Variants in ZDHHC14 observed in about 807,000 individuals in gnomAD.
ZDHHC14 encodes palmitoyltransferase ZDHHC14.
ZDHHC14 carries 16 observed loss-of-function variants against 47.7 expected under a neutral mutation model. That is an observed-to-expected ratio of 0.34 (90% CI 0.23 to 0.51). The LOEUF is 0.51. Among genes scored for constraint, ZDHHC14 ranks in the 20% least tolerant of loss-of-function variants. The probability of loss-of-function intolerance (pLI) is 0.97; values close to 1 mark genes in which losing one functional copy is unlikely to be tolerated. For missense variants in ZDHHC14, 515 were observed against 662.5 expected (o/e 0.78, Z 2.44); for synonymous variants, 293 against 278.9 (o/e 1.05, Z -0.50).
chr6:157,656,256 T>C (rs1197262433), intron 8 of ZDHHC14, among the ~76,000 whole-genome samples: 1 of 152,204 alleles, frequency 6.6e-6, no homozygotes, highest in Non-Finnish European at 1.5e-5. Flanking sequence ...AAGAGGACAC[T>C]GCAAAGGTTA....
At position 157,424,786 on chromosome 6, in the gene ZDHHC14, C is replaced by T. The variant is rs149087749; in HGVS notation, c.245+42520C>T. On this transcript the variant is annotated intron_variant, in intron 1 of 8. Transcript: ENST00000359775. ...ACCTCCCCTATCCAATCAATCACAACGGCCTGGGAATTTCTCCATAGAAAT... is the reference window on the plus strand; with the variant it reads ...ACCTCCCCTATCCAATCAATCACAATGGCCTGGGAATTTCTCCATAGAAAT... 8.0e-3 allele frequency among the ~76,000 whole-genome samples: 1,215 copies of T among 152,232 alleles called. 20 individuals are homozygous for T. The highest frequency in any genetic ancestry group is 0.027 in the African/African-American group (1,125 of 41,524).
intron 1 of ZDHHC14, among the ~76,000 whole-genome samples, chr6:157,466,751 T>A (rs1209036945): frequency 6.6e-6 from 1 of 151,682 alleles, no homozygotes; most frequent in African/African-American, 2.4e-5. Context: ...GGCAGGAGAA[T>A]CAGTTGAACC....
chr6:157,613,805 G>A (rs1014563959), intron 3 of ZDHHC14, among the ~76,000 whole-genome samples: 3 of 152,132 alleles, frequency 2.0e-5, no homozygotes, highest in Non-Finnish European at 4.4e-5. Context: ...CCTAAAATGT[G>A]TGAGTGCACG....
At chr6:157,636,428 C>G (rs1776987936) in intron 5 of ZDHHC14, among the ~76,000 whole-genome samples, 1 of 151,860 alleles carries the variant, frequency 6.6e-6, no homozygotes, top group Non-Finnish European at 1.5e-5. Flanking sequence ...CCCCAGAGTT[C>G]AGGTTGGAAA....
intron 1 of ZDHHC14, among the ~76,000 whole-genome samples, chr6:157,541,811 C>T (rs1361203725): frequency 6.6e-6 from 1 of 152,144 alleles, no homozygotes; most frequent in Non-Finnish European, 1.5e-5. Flanking sequence ...TTTAGTCTGT[C>T]CCAGTGGCAC....
chr6:157,507,716 G>A (rs1199826924), intron 1 of ZDHHC14, among the ~76,000 whole-genome samples: 1 of 152,054 alleles, frequency 6.6e-6, no homozygotes, highest in Non-Finnish European at 1.5e-5. Flanking sequence ...ACTGGCCTGG[G>A]GCACTGCTGT....
At chr6:157,493,801 AG>A (rs997073980) in intron 1 of ZDHHC14, among the ~76,000 whole-genome samples, 6 of 152,238 alleles carry the variant, frequency 3.9e-5, no homozygotes, top group African/African-American at 1.2e-4. Context: ...CGGCACACAC[AG>A]GTGACACAAT....
In ZDHHC14 at chr6:157,673,101, G is replaced by A. The variant is rs768355300; in HGVS notation, c.1446G>A (p.Leu482=). The A allele has an allele frequency of 1.3e-6, 2 of 1,574,336 alleles. No individual in the cohort carries two copies. Among genetic ancestry groups the A allele is most frequent in the African/African-American group, 1.3e-5 (1 of 74,290 alleles). ...DSLHEDSVRG[L]VKLSSV is the part of the protein sequence containing the mutation. ...TGCATGAGGACTCTGTGCGCGGCCT[G>A]GTGAAGCTCAGCTCCGTGTGACCCA... The change falls in exon 9 of 9, where the codon CTG becomes CTA. Residue 482 remains leucine, a synonymous_variant. Transcript: ENST00000359775. The surrounding 1 kb of genome is among the most constrained non-coding windows in gnomAD (Gnocchi z 5.4).
chr6:157,427,636 G>T lies in ZDHHC14; in HGVS notation c.245+45370G>T, dbSNP rs565643009. On this transcript the variant is annotated intron_variant, in intron 1 of 8. Coordinates refer to ENST00000359775, the MANE Select transcript of ZDHHC14 (RefSeq NM_024630.3). The surrounding 1 kb of genome is among the most constrained non-coding windows in gnomAD (Gnocchi z 4.4). ...AGAGATATGAGAGGAGAACAGAGGG[G>T]CCCGCAGGCAGAGGAACGTGAGTAT... 3.3e-5 allele frequency among the ~76,000 whole-genome samples: 5 copies of T among 152,248 alleles called. No individual in the cohort carries two copies. The South Asian group carries it at 8.3e-4, about 25-fold the overall frequency.
At chr6:157,510,325 C>G (rs1400367442) in intron 1 of ZDHHC14, among the ~76,000 whole-genome samples, 1 of 152,200 alleles carries the variant, frequency 6.6e-6, no homozygotes, top group Non-Finnish European at 1.5e-5. Flanking sequence ...CATTTTCACT[C>G]CTCCTCACAA....
At chr6:157,647,811 C>T (rs985701580) in intron 7 of ZDHHC14, among the ~76,000 whole-genome samples, 2 of 152,212 alleles carry the variant, frequency 1.3e-5, no homozygotes, top group Admixed American at 6.5e-5. Context: ...ACATGGGCCG[C>T]AGTCGTTGAT....
intron 3 of ZDHHC14, among the ~76,000 whole-genome samples, chr6:157,603,291 T>C (rs1354043177): frequency 6.6e-6 from 1 of 152,234 alleles, no homozygotes; most frequent in Non-Finnish European, 1.5e-5. Context: ...TAACGAGTTT[T>C]CCACGTAGTT....
intron 3 of ZDHHC14, among the ~76,000 whole-genome samples, chr6:157,624,348 G>GTCTC (rs1785319265): frequency 6.6e-6 from 1 of 152,198 alleles, no homozygotes; most frequent in East Asian, 1.9e-4. Flanking sequence ...CTTTTCCATG[G>GTCTC]CCTGTTCTCA....
At chr6:157,461,123 C>A (rs925539569) in intron 1 of ZDHHC14, among the ~76,000 whole-genome samples, 53 of 152,248 alleles carry the variant, frequency 3.5e-4, no homozygotes, top group African/African-American at 1.2e-3. Context: ...TTTTTAGAAC[C>A]TGAAAAACAC....
intron 5 of ZDHHC14, among the ~76,000 whole-genome samples, chr6:157,645,434 G>A (rs1777476599): frequency 1.3e-5 from 2 of 152,132 alleles, no homozygotes; most frequent in Admixed American, 6.5e-5. Context: ...CACAGAAAAA[G>A]GTGAAGTTCA....
At chr6:157,493,191 G>C (rs144036306) in intron 1 of ZDHHC14, among the ~76,000 whole-genome samples, 1 of 152,234 alleles carries the variant, frequency 6.6e-6, no homozygotes, top group African/African-American at 2.4e-5. Flanking sequence ...GTCTAGGGAA[G>C]AGCTGATGGA....
intron 6 of ZDHHC14, 79 bp from the exon 7 acceptor site, chr6:157,647,180 G>T (rs1777594816): frequency 3.3e-6 from 3 of 911,690 alleles, no homozygotes; most frequent in Admixed American, 2.3e-5. Flanking sequence ...TTCTTTATGA[G>T]CCTCTCATGG....
intron 5 of ZDHHC14, among the ~76,000 whole-genome samples, chr6:157,642,321 A>G (rs895492710): frequency 1.3e-5 from 2 of 152,122 alleles, no homozygotes; most frequent in Admixed American, 1.3e-4. Flanking sequence ...CAGAGCCCCT[A>G]TTCCCTTAGG....
intron 3 of ZDHHC14, among the ~76,000 whole-genome samples, chr6:157,595,456 G>T (rs1406910975): frequency 6.6e-6 from 1 of 152,064 alleles, no homozygotes; most frequent in African/African-American, 2.4e-5. Flanking sequence ...CTCCTGAAGT[G>T]CTGGGATTAC....
Sources: gnomAD v4.1 joint callset for allele counts (sites outside exome capture counted in the v4.1 genomes callset) on GRCh38, gnomAD v4.1.1 for gene constraint, Gnocchi (gnomAD v3.1) non-coding constraint, MANE v1.5 for transcripts, NCBI Gene and HGNC (gene_info 2026-07-23, HGNC 2026-07-21) for gene names.